WRN: variants seen among roughly 807,000 people sequenced by gnomAD.
The protein encoded by WRN is WRN RecQ like helicase, also known as bifunctional 3'-5' exonuclease/ATP-dependent helicase WRN.
WRN carries 149 observed loss-of-function variants against 180.7 expected under a neutral mutation model. The ratio of observed to expected loss-of-function variants is 0.82; its 90% confidence interval spans 0.72 to 0.94. The LOEUF (loss-of-function observed/expected upper bound fraction) is 0.94, where lower values mean the gene tolerates loss of function less well. WRN is among the 40% of genes least tolerant of loss of function. The pLI, the probability that WRN is intolerant of heterozygous loss-of-function variation, is 0.00. For synonymous variants in WRN, 548 were observed against 568.9 expected (o/e 0.96, Z 0.52); for missense variants, 1,661 against 1,700.1 (o/e 0.98, Z 0.40).
chr8:31,044,894 G>A (rs756817209), intron 1 of WRN, among the ~76,000 whole-genome samples: 18 of 152,026 alleles, frequency 1.2e-4, no homozygotes, highest in African/African-American at 1.7e-4. Context: ...CTTTACATAC[G>A]TCTTTGTGCA....
intron 32 of WRN, 116 bp from the exon 33 acceptor site, chr8:31,157,252 G>A: frequency 7.0e-7 from 1 of 1,438,810 alleles, no homozygotes; most frequent in Non-Finnish European, 9.5e-7. Flanking sequence ...TAAAGGTTTA[G>A]TTCATTGTTT....
chr8:31,069,685 T>A (rs1812835592), intron 7 of WRN, among the ~76,000 whole-genome samples: 1 of 152,180 alleles, frequency 6.6e-6, no homozygotes. Flanking sequence ...TTGATATCAG[T>A]GGGAGGGAGG....
chr8:31,167,789 CTG>C (rs1238378050), intron 34 of WRN, among the ~76,000 whole-genome samples: 1 of 151,944 alleles, frequency 6.6e-6, no homozygotes, highest in Non-Finnish European at 1.5e-5. Flanking sequence ...AATAATTGCT[CTG>C]TGTATGGCAT....
intron 24 of WRN, among the ~76,000 whole-genome samples, chr8:31,134,360 G>A (rs956867404): frequency 2.0e-5 from 3 of 152,164 alleles, no homozygotes; most frequent in Non-Finnish European, 2.9e-5. Flanking sequence ...ATATAACATA[G>A]TAGCAGCATA....
intron 34 of WRN, among the ~76,000 whole-genome samples, chr8:31,172,290 G>C (rs1172428311): frequency 6.6e-6 from 1 of 152,068 alleles, no homozygotes; most frequent in Non-Finnish European, 1.5e-5. Context: ...TTGCAGGCGT[G>C]AGCCACCTCA....
At chr8:31,050,478 T>C (rs1812040034) in intron 1 of WRN, among the ~76,000 whole-genome samples, 2 of 151,978 alleles carry the variant, frequency 1.3e-5, no homozygotes, top group African/African-American at 4.8e-5. Flanking sequence ...AATGACATAC[T>C]GCCCTCTCTT....
intron 23 of WRN, among the ~76,000 whole-genome samples, chr8:31,132,037 G>C (rs1802198250): frequency 6.8e-6 from 1 of 146,554 alleles, no homozygotes; most frequent in Admixed American, 7.0e-5. Flanking sequence ...AAGTGGAGCT[G>C]TTCTAGCTAT....
chr8:31,040,227 A>G (rs1246533868), intron 1 of WRN, among the ~76,000 whole-genome samples: 2 of 152,236 alleles, frequency 1.3e-5, no homozygotes, highest in East Asian at 3.8e-4. Context: ...GAAACTTTAT[A>G]TCTATTGAGT....
intron 7 of WRN, among the ~76,000 whole-genome samples, chr8:31,073,128 T>G (rs995874394): frequency 6.6e-6 from 1 of 152,218 alleles, no homozygotes; most frequent in Non-Finnish European, 1.5e-5. Context: ...AAGAATGATA[T>G]AATTAAAATT....
At chr8:31,065,628 T>C (rs1812667734) in intron 5 of WRN, among the ~76,000 whole-genome samples, 1 of 152,148 alleles carries the variant, frequency 6.6e-6, no homozygotes, top group African/African-American at 2.4e-5. Flanking sequence ...TTTTTTTTAA[T>C]GCAGTCTATC....
At chr8:31,144,525 T>C (rs535721931) in intron 28 of WRN, among the ~76,000 whole-genome samples, 2 of 152,206 alleles carry the variant, frequency 1.3e-5, no homozygotes, top group African/African-American at 4.8e-5. Flanking sequence ...TTAGTAGAGA[T>C]GGGTTTTTGC....
chr8:31,173,126 T>C lies in WRN; in HGVS notation c.*24T>C, dbSNP rs1288555782. ...AAGCTGGCAATTACCAGAACAATTA[T>C]GTTTCTTGCTGTATTATAAGAGGAT... On this transcript the variant is annotated 3_prime_UTR_variant, in exon 35 of 35. Coordinates refer to ENST00000298139, the MANE Select transcript of WRN (RefSeq NM_000553.6). 3.8e-6 allele frequency: 6 copies of C among 1,586,548 alleles called. No individual in the cohort carries two copies. The highest frequency in any genetic ancestry group is 3.3e-4 in the Middle Eastern group (2 of 6,010).
At chr8:31,128,582 G>A (rs536234590) in intron 23 of WRN, among the ~76,000 whole-genome samples, 10 of 152,304 alleles carry the variant, frequency 6.6e-5, no homozygotes, top group East Asian at 5.8e-4. Context: ...GTATTGGGCC[G>A]GGTGCAGTGG....
intron 17 of WRN, among the ~76,000 whole-genome samples, chr8:31,097,333 C>A (rs1477753756): frequency 6.6e-6 from 1 of 152,062 alleles, no homozygotes; most frequent in Non-Finnish European, 1.5e-5. Context: ...TGTAGGTAAC[C>A]AACACCCAAC....
chr8:31,048,258 A>G (rs1215714418), intron 1 of WRN, among the ~76,000 whole-genome samples: 1 of 152,152 alleles, frequency 6.6e-6, no homozygotes, highest in Non-Finnish European at 1.5e-5. Context: ...GTTTGGAGGG[A>G]AGTTAAGATT....
At chr8:31,159,750 G>A (rs567783215) in intron 33 of WRN, among the ~76,000 whole-genome samples, 2 of 152,068 alleles carry the variant, frequency 1.3e-5, no homozygotes, top group South Asian at 2.1e-4. Flanking sequence ...TTCAAGACCA[G>A]CCTGGCCAAC....
chr8:31,039,059 G>A (rs533226671), intron 1 of WRN, among the ~76,000 whole-genome samples: 2 of 152,220 alleles, frequency 1.3e-5, no homozygotes, highest in East Asian at 3.9e-4. Context: ...GCTATTTGGG[G>A]TCCCTTGCAA....
intron 33 of WRN, among the ~76,000 whole-genome samples, chr8:31,159,643 T>TA (rs2130489502): frequency 6.6e-6 from 1 of 150,976 alleles, no homozygotes; most frequent in South Asian, 2.1e-4. Context: ...TTATATCTAT[T>TA]AAAAAAAGGT....
rs1585408352 is a variant in WRN at position 31,064,402 on chromosome 8, A to G, written c.323A>G (p.Lys108Arg). The G allele has an allele frequency of 6.2e-7, 1 of 1,614,096 alleles. No individual in the cohort carries two copies. The highest frequency in any genetic ancestry group is 8.5e-7 in the Non-Finnish European group (1 of 1,179,998). The stretch of plus-strand genomic sequence containing the variant: ...ATTCAGTTGTGTGTTTCTGAGAGCA[A>G]ATGTTACTTGTTCCACGTTTCTTCC... The part of the protein sequence containing the change: ...ALIQLCVSES[K>R]CYLFHVSSMS... The change falls in exon 4 of 35, where the codon AAA becomes AGA. Residue 108 changes from lysine to arginine, a missense_variant. Lys to Arg is a conservative substitution (Grantham distance 26). Around this residue, in one of 3 missense-constraint regions of WRN, gnomAD observed 500 missense variants for 504.1 expected, o/e 0.99. Transcript: ENST00000298139.
Sources: allele counts gnomAD v4.1 joint callset (sites outside exome capture counted in the v4.1 genomes callset), GRCh38; gene constraint gnomAD v4.1.1; regional missense constraint gnomAD v4.1.1; transcripts MANE v1.5; gene names NCBI Gene and HGNC (gene_info 2026-07-23, HGNC 2026-07-21).